IL1R1: variants seen among roughly 807,000 people sequenced by gnomAD.
IL1R1 encodes the protein interleukin 1 receptor type 1, also known as interleukin-1 receptor type 1.
Under a neutral mutation model 50.2 loss-of-function variants are expected in IL1R1, and 22 were observed. The observed-to-expected ratio is 0.44, with a 90% CI of 0.31 to 0.63. The LOEUF is 0.63. Ranked by LOEUF, IL1R1 falls within the 20% of genes least tolerant of loss-of-function variation. IL1R1 has a pLI of 0.07. For missense variants in IL1R1, 509 were observed against 676.2 expected, an observed-to-expected ratio of 0.75 and a Z score of 2.74; for synonymous variants, 251 against 236.7, an observed-to-expected ratio of 1.06 and a Z score of -0.55.
intron 1 of IL1R1, among the ~76,000 whole-genome samples, chr2:102,128,959 T>C (rs1298217393): frequency 6.6e-6 from 1 of 152,150 alleles, no homozygotes; most frequent in East Asian, 1.9e-4. Context: ...CCCATAGTTT[T>C]GGGAGGCTGA....
upstream of IL1R1, among the ~76,000 whole-genome samples, chr2:102,101,423 C>G (rs1680135993): frequency 6.6e-6 from 1 of 152,232 alleles, no homozygotes; most frequent in African/African-American, 2.4e-5. Flanking sequence ...CCTGCCCTCT[C>G]TTAATGACCC....
At chr2:102,156,361 G>T (rs1015804311) in intron 2 of IL1R1, 2 of 152,636 alleles carry the variant, frequency 1.3e-5, no homozygotes, top group Non-Finnish European at 2.9e-5. Flanking sequence ...TCTGAGGTAG[G>T]TTTCAAGGCT....
intron 1 of IL1R1, among the ~76,000 whole-genome samples, chr2:102,109,797 A>AC (rs1200589497): frequency 6.6e-6 from 1 of 151,872 alleles, no homozygotes; most frequent in Admixed American, 6.6e-5. Flanking sequence ...CTCTCTATTG[A>AC]CCCCCCAAAT....
At chr2:102,138,942 G>T (rs893800020), upstream of IL1R1, among the ~76,000 whole-genome samples, 3 of 152,176 alleles carry the variant, frequency 2.0e-5, no homozygotes, top group African/African-American at 7.2e-5. Context: ...GGTAGAAAAA[G>T]ATCTCACTAA....
At chr2:102,146,290 C>T (rs1340451195) in intron 1 of IL1R1, among the ~76,000 whole-genome samples, 1 of 152,074 alleles carries the variant, frequency 6.6e-6, no homozygotes, top group Non-Finnish European at 1.5e-5. Context: ...AAACCCAACA[C>T]CCCCCTTAAT....
chr2:102,134,464 C>T (rs980028296), intron 1 of IL1R1, among the ~76,000 whole-genome samples: 5 of 152,088 alleles, frequency 3.3e-5, no homozygotes, highest in African/African-American at 9.7e-5. Flanking sequence ...CCGCAACCTC[C>T]GCCTCCTGGG....
intron 1 of IL1R1, among the ~76,000 whole-genome samples, chr2:102,093,853 G>C (rs1385947306): frequency 1.3e-5 from 2 of 152,076 alleles, no homozygotes; most frequent in African/African-American, 2.4e-5. Context: ...GGAGACACGC[G>C]CGGGGCAGCA....
rs144363207 is a variant in IL1R1, at chr2:102,096,132, G to T, written c.-84+25599G>T. On this transcript the variant is annotated intron_variant, in intron 1 of 11. Transcript: ENST00000409929. ...GTTTTCACACTGTGTCCTATTCAGC[G>T]TGTAAATATACTGTAATTGACGCAT... Among the ~76,000 whole-genome samples, 3 of 152,208 alleles carry T rather than the reference G, an allele frequency of 2.0e-5. No individual in the cohort carries two copies. In the East Asian group the frequency reaches 5.8e-4, roughly 29 times the overall value.
At chr2:102,148,149 A>C (rs10153578) in intron 1 of IL1R1, among the ~76,000 whole-genome samples, 1 of 152,088 alleles carries the variant, frequency 6.6e-6, no homozygotes, top group African/African-American at 2.4e-5. Flanking sequence ...TTGTGTGCAC[A>C]TGATAGAGCG....
chr2:102,173,629 A>T (rs3917310), intron 9 of IL1R1, among the ~76,000 whole-genome samples: 157 of 152,360 alleles, frequency 1.0e-3, no homozygotes, highest in Middle Eastern at 6.8e-3. Context: ...CAATGTTCAT[A>T]GATTGAAAGA....
At chr2:102,142,539 C>A (rs1682732202), upstream of IL1R1, 1 of 152,122 alleles carries the variant, frequency 6.6e-6, no homozygotes, top group Non-Finnish European at 1.5e-5. Flanking sequence ...GGCAGCTCTC[C>A]AATGCTTTGG....
chr2:102,095,373 A>G (rs1040348006), intron 1 of IL1R1, among the ~76,000 whole-genome samples: 5 of 152,238 alleles, frequency 3.3e-5, no homozygotes, highest in African/African-American at 1.2e-4. Flanking sequence ...TCCTCTGATG[A>G]AGTTTCATTA....
chr2:102,129,437 A>G (rs955619932), intron 1 of IL1R1, among the ~76,000 whole-genome samples: 3 of 152,242 alleles, frequency 2.0e-5, no homozygotes, highest in East Asian at 3.8e-4. Context: ...TCATTCCTAC[A>G]TAAGGGCCAA....
intron 3 of IL1R1, among the ~76,000 whole-genome samples, chr2:102,160,935 T>G (rs1349491032): frequency 1.3e-5 from 2 of 152,216 alleles, no homozygotes; most frequent in Admixed American, 6.5e-5. Context: ...GTTTTGTCAC[T>G]CAGTCACCTT....
At chr2:102,146,292 C>A (rs939254859) in intron 1 of IL1R1, among the ~76,000 whole-genome samples, 1 of 152,058 alleles carries the variant, frequency 6.6e-6, no homozygotes, top group Non-Finnish European at 1.5e-5. Flanking sequence ...ACCCAACACC[C>A]CCCTTAATGC....
intron 1 of IL1R1, among the ~76,000 whole-genome samples, chr2:102,133,811 T>G (rs1276924732): frequency 5.3e-5 from 8 of 152,066 alleles, no homozygotes; most frequent in Admixed American, 5.2e-4. Context: ...TCATACTTAA[T>G]GAAAGCTATC....
At chr2:102,076,923 A>T (rs1370346887) in intron 1 of IL1R1, among the ~76,000 whole-genome samples, 1 of 151,974 alleles carries the variant, frequency 6.6e-6, no homozygotes, top group East Asian at 1.9e-4. Flanking sequence ...AGGGACTTCC[A>T]TTACACATAT....
chr2:102,138,976 G>T (rs1487428557), upstream of IL1R1, among the ~76,000 whole-genome samples: 2 of 152,160 alleles, frequency 1.3e-5, no homozygotes, highest in African/African-American at 4.8e-5. Flanking sequence ...TGTCCCCACT[G>T]GTTCAAGACT....
chr2:102,077,358 G>A (rs1023315825), intron 1 of IL1R1, among the ~76,000 whole-genome samples: 18 of 152,142 alleles, frequency 1.2e-4, no homozygotes, highest in African/African-American at 3.9e-4. Flanking sequence ...GGTGTGAGCC[G>A]TGGCACCCGG....
Sources: gnomAD v4.1 joint callset for allele counts (sites outside exome capture counted in the v4.1 genomes callset) on GRCh38, gnomAD v4.1.1 for gene constraint, MANE v1.5 for transcripts, NCBI Gene and HGNC (gene_info 2026-07-23, HGNC 2026-07-21) for gene names.